TACC2: variants seen among roughly 807,000 people sequenced by gnomAD.
The protein encoded by TACC2 is transforming acidic coiled-coil containing protein 2.
TACC2 carries 137 observed loss-of-function variants against 227.3 expected under a neutral mutation model. That is an observed-to-expected ratio of 0.60 (90% CI 0.52 to 0.69). The LOEUF is 0.69. Among genes scored for constraint, TACC2 ranks in the 30% least tolerant of loss-of-function variants. The pLI is 0.00. For synonymous variants in TACC2, 1,523 were observed against 1,487.5 expected, an observed-to-expected ratio of 1.02 and a Z score of -0.55; for missense variants, 3,470 against 3,694.4, an observed-to-expected ratio of 0.94 and a Z score of 1.57.
intron 5 of TACC2, among the ~76,000 whole-genome samples, chr10:122,096,478 T>TG: frequency 6.6e-6 from 1 of 151,978 alleles, no homozygotes; most frequent in Non-Finnish European, 1.5e-5. Flanking sequence ...TGGTGGATCA[T>TG]CTGAGGTCAG....
At chr10:122,031,659 TC>T (rs1958992812) in intron 2 of TACC2, among the ~76,000 whole-genome samples, 1 of 151,998 alleles carries the variant, frequency 6.6e-6, no homozygotes, top group Admixed American at 6.6e-5. Flanking sequence ...CGCCTTGGCC[TC>T]CCAAAGTGCT....
At chr10:121,990,395 G>A (rs1031058828) in intron 1 of TACC2, among the ~76,000 whole-genome samples, 24 of 152,134 alleles carry the variant, frequency 1.6e-4, no homozygotes, top group African/African-American at 5.8e-4. Flanking sequence ...TGGGATTATA[G>A]GTATGAGCCA....
intron 7 of TACC2, among the ~76,000 whole-genome samples, chr10:122,179,552 C>G (rs886453801): frequency 6.6e-6 from 1 of 152,142 alleles, no homozygotes; most frequent in Admixed American, 6.6e-5. Context: ...GACACAAACC[C>G]GGCCACTTCT....
intron 1 of TACC2, among the ~76,000 whole-genome samples, chr10:121,995,343 G>A (rs1252193777): frequency 6.6e-6 from 1 of 152,198 alleles, no homozygotes; most frequent in Admixed American, 6.5e-5. Flanking sequence ...AGCCTCATGA[G>A]AGAATCCTAC....
intron 1 of TACC2, among the ~76,000 whole-genome samples, chr10:122,008,475 G>T (rs1487167371): frequency 1.1e-4 from 17 of 151,890 alleles, no homozygotes; most frequent in Admixed American, 1.1e-3. Context: ...GGTCAGGCTG[G>T]TCTCGAACTC....
intron 6 of TACC2, among the ~76,000 whole-genome samples, chr10:122,135,034 A>G (rs1330017571): frequency 6.6e-6 from 1 of 152,196 alleles, no homozygotes; most frequent in African/African-American, 2.4e-5. Context: ...GTCTCCGTAA[A>G]TCCTCATGCC....
At chr10:122,113,322 G>A (rs1439320150) in intron 5 of TACC2, 1 of 152,300 alleles carries the variant, frequency 6.6e-6, no homozygotes. Context: ...TACTGGAAGT[G>A]GCCAAAGCTC....
chr10:121,994,321 G>C (rs1590824720), intron 1 of TACC2, among the ~76,000 whole-genome samples: 1 of 152,180 alleles, frequency 6.6e-6, no homozygotes, highest in Admixed American at 6.5e-5. Context: ...TTGAAAAGTG[G>C]CTTGTCCCAG....
chr10:122,038,914 G>A (rs1237441096), intron 2 of TACC2, among the ~76,000 whole-genome samples: 6 of 152,202 alleles, frequency 3.9e-5, no homozygotes, highest in Non-Finnish European at 5.9e-5. Context: ...TGGGGGAAGT[G>A]AAATGGCTTA....
chr10:122,051,559 A>G (rs2075687983), intron 3 of TACC2: 1 of 152,162 alleles, frequency 6.6e-6, no homozygotes, highest in South Asian at 2.1e-4. Flanking sequence ...CAACTCGCAA[A>G]CAGGCCATGG....
chr10:122,145,424 A>G (rs990243283), intron 7 of TACC2, among the ~76,000 whole-genome samples: 3 of 152,194 alleles, frequency 2.0e-5, no homozygotes, highest in Non-Finnish European at 4.4e-5. Flanking sequence ...TCAAAAGACT[A>G]CATTCTACAT....
intron 2 of TACC2, among the ~76,000 whole-genome samples, chr10:122,042,607 T>A (rs2461197): frequency 0.15 from 23,484 of 152,070 alleles, 3,124 homozygotes; most frequent in African/African-American, 0.36. Flanking sequence ...CATTAATGAG[T>A]TTTGAATCTG....
At chr10:122,070,764 A>G (rs1662409394) in intron 3 of TACC2, among the ~76,000 whole-genome samples, 2 of 151,142 alleles carry the variant, frequency 1.3e-5, no homozygotes, top group South Asian at 4.2e-4. Context: ...AAAAAAAAAA[A>G]AAAAAAAGAA....
At chr10:122,133,354 G>T (rs2088792316) in intron 6 of TACC2, among the ~76,000 whole-genome samples, 1 of 152,138 alleles carries the variant, frequency 6.6e-6, no homozygotes, top group Non-Finnish European at 1.5e-5. Context: ...AGGCTTCACT[G>T]CTCCTTCTGC....
chr10:122,053,755 A>T (rs2075949233), intron 3 of TACC2, among the ~76,000 whole-genome samples: 1 of 152,024 alleles, frequency 6.6e-6, no homozygotes, highest in African/African-American at 2.4e-5. Context: ...CTTTCTCTCC[A>T]CTCTCAGGCG....
At chr10:122,201,523 C>G (rs182105178) in intron 8 of TACC2, among the ~76,000 whole-genome samples, 9 of 152,230 alleles carry the variant, frequency 5.9e-5, no homozygotes, top group African/African-American at 2.2e-4. Context: ...ATGGGGAGGA[C>G]GGTGACCTCA....
intron 8 of TACC2, among the ~76,000 whole-genome samples, chr10:122,198,903 C>A (rs2094677937): frequency 6.6e-6 from 1 of 152,218 alleles, no homozygotes; most frequent in Non-Finnish European, 1.5e-5. Flanking sequence ...CTAGGCCACG[C>A]CCCCGAGGCA....
intron 3 of TACC2, among the ~76,000 whole-genome samples, chr10:122,075,217 A>T (rs1262029645): frequency 6.6e-6 from 1 of 150,710 alleles, no homozygotes. Flanking sequence ...AGAAAGAAAG[A>T]AAGTCAGCAG....
intron 7 of TACC2, among the ~76,000 whole-genome samples, chr10:122,183,097 C>T (rs1357292571): frequency 3.3e-5 from 5 of 152,062 alleles, no homozygotes; most frequent in Non-Finnish European, 5.9e-5. Flanking sequence ...CCCAGCTAGT[C>T]GGGTGGCTGA....
Sources: allele counts gnomAD v4.1 joint callset (sites outside exome capture counted in the v4.1 genomes callset), GRCh38; gene constraint gnomAD v4.1.1; transcripts MANE v1.5; gene names NCBI Gene and HGNC (gene_info 2026-07-23, HGNC 2026-07-21).